PTH2R: variants seen among roughly 807,000 people sequenced by gnomAD.
PTH2R encodes the protein parathyroid hormone 2 receptor.
A neutral mutation model predicts 60.3 loss-of-function variants in PTH2R; 59 were observed. The observed-to-expected ratio is 0.98, with a 90% confidence interval of 0.79 to 1.22. The LOEUF is 1.22. PTH2R is among the 50% of genes most tolerant of loss of function. The pLI is 0.00. For synonymous variants in PTH2R, 256 were observed against 243.8 expected (o/e 1.05, Z -0.47); for missense variants, 749 against 682.6 (o/e 1.10, Z -1.08).
At position 208,442,409 on chromosome 2, in the gene PTH2R, T is replaced by A. The variant is rs1702203616; in HGVS notation, c.457T>A (p.Ser153Thr). 3.1e-6 allele frequency: 5 copies of A among 1,613,632 alleles called. No homozygotes were observed. Among genetic ancestry groups the A allele is most frequent in the Non-Finnish European group, 3.4e-6 (4 of 1,179,552 alleles). ...CTATGTAATGTATACCGTTGGCTAC[T>A]CCATCTCTTTTGGTTCCTTGGCTGT... ...RLYVMYTVGY[S>T]ISFGSLAVAI... Residue 153 changes from serine (S) to threonine (T), a missense_variant, in exon 5 of 13, where the codon TCC becomes ACC. Ser to Thr is a moderately conservative substitution (Grantham distance 58). Coordinates refer to ENST00000272847, the MANE Select transcript of PTH2R (RefSeq NM_005048.4).
At chr2:208,443,078 C>A (rs1406022380) in intron 5 of PTH2R, among the ~76,000 whole-genome samples, 1 of 152,182 alleles carries the variant, frequency 6.6e-6, no homozygotes, top group Non-Finnish European at 1.5e-5. Context: ...AGTATAACAT[C>A]TATTTACATA....
chr2:208,386,429 T>G (rs985485316), intron 1 of PTH2R, among the ~76,000 whole-genome samples: 2 of 152,206 alleles, frequency 1.3e-5, no homozygotes, highest in Admixed American at 1.3e-4. Context: ...AATACCTAAT[T>G]GAGTTATAAG....
intron 1 of PTH2R, among the ~76,000 whole-genome samples, chr2:208,367,175 C>CCTCTCTCA (rs1223705750): frequency 6.6e-6 from 1 of 151,932 alleles, no homozygotes; most frequent in Non-Finnish European, 1.5e-5. Flanking sequence ...CTCACTGCAG[C>CCTCTCTCA]CTCTGCCTCC....
chr2:208,368,947 C>T (rs183648896), intron 1 of PTH2R, among the ~76,000 whole-genome samples: 61 of 152,276 alleles, frequency 4.0e-4, no homozygotes, highest in Non-Finnish European at 6.8e-4. Context: ...ACAGATGGCA[C>T]TAAACAACCC....
rs550366521 is a variant in PTH2R at position 208,380,663 on chromosome 2, A to T, written c.-259+20426A>T. 2.6e-5 allele frequency among the ~76,000 whole-genome samples: 4 copies of T among 152,204 alleles called. No individual in the cohort carries two copies. In the South Asian group the frequency reaches 8.3e-4, roughly 32 times the overall value. On this transcript the variant is annotated intron_variant, in intron 1 of 12. Transcript: ENST00000617735. ...TTGGCCACATTTCTCTAGTGTATGGAACTCACCGGATAAAAGGCCTCAGAT... is the reference window on the plus strand; with the variant it reads ...TTGGCCACATTTCTCTAGTGTATGGTACTCACCGGATAAAAGGCCTCAGAT...
rs139037498 is a variant in PTH2R, at chr2:208,422,338, G to A, written c.76-5863G>A. On this transcript the variant is annotated intron_variant, in intron 1 of 12. Transcript: ENST00000272847. ...CACACCGGAAACAAATGTAATCTGG[G>A]CACCCATGGCCCATCGAAGTTGCTA... 1.4e-4 allele frequency among the ~76,000 whole-genome samples: 22 copies of A among 152,282 alleles called. 1 individual carries two copies. The highest frequency in any genetic ancestry group is 2.8e-4 in the Non-Finnish European group (19 of 68,018).
rs1029325797 is a variant in PTH2R, at chr2:208,369,109, A to G, written c.-259+8872A>G. On this transcript the variant is annotated intron_variant, in intron 1 of 12. Coordinates refer to the PTH2R transcript ENST00000617735. ...GTTGGCTTGACCAGCACCCATGACTATAGTTGGATGGATGGACCTTAACTT... is the reference window on the plus strand; with the variant it reads ...GTTGGCTTGACCAGCACCCATGACTGTAGTTGGATGGATGGACCTTAACTT... Among the ~76,000 whole-genome samples, 13 of 152,144 alleles carry G rather than the reference A, an allele frequency of 8.5e-5. 1 individual carries two copies. Among genetic ancestry groups the G allele is most frequent in the Non-Finnish European group, 1.5e-5 (1 of 68,046 alleles).
chr2:208,361,052 C>T (rs1452189977), intron 1 of PTH2R: 3 of 209,356 alleles, frequency 1.4e-5, no homozygotes, highest in African/African-American at 4.6e-5. Context: ...TAACAGATGG[C>T]GATGACACAC....
intron 1 of PTH2R, among the ~76,000 whole-genome samples, chr2:208,425,353 A>G (rs1701836088): frequency 3.3e-5 from 5 of 152,140 alleles, no homozygotes; most frequent in Admixed American, 3.3e-4. Flanking sequence ...CATAAGACAC[A>G]TCCTCCAGTG....
chr2:208,480,772 T>G (rs1703128830), intron 9 of PTH2R, among the ~76,000 whole-genome samples: 1 of 152,220 alleles, frequency 6.6e-6, no homozygotes, highest in Non-Finnish European at 1.5e-5. Flanking sequence ...TATTACCCTT[T>G]GTCCTGCCAC....
At chr2:208,451,044 T>A (rs1702397881) in intron 8 of PTH2R, among the ~76,000 whole-genome samples, 1 of 151,654 alleles carries the variant, frequency 6.6e-6, no homozygotes. Context: ...CCTCCATAGA[T>A]TAAGAAACAA....
intron 1 of PTH2R, among the ~76,000 whole-genome samples, chr2:208,370,028 C>T (rs748950119): frequency 6.6e-6 from 1 of 152,068 alleles, no homozygotes; most frequent in Non-Finnish European, 1.5e-5. Flanking sequence ...CTCTGTTGCA[C>T]TCCAAAATTG....
intron 4 of PTH2R, among the ~76,000 whole-genome samples, chr2:208,440,784 C>T (rs1359671744): frequency 1.3e-5 from 2 of 152,218 alleles, no homozygotes; most frequent in East Asian, 3.8e-4. Context: ...AAGCTATAAT[C>T]CACCAGGCAA....
chr2:208,458,453 A>G (rs1702559392), intron 8 of PTH2R, among the ~76,000 whole-genome samples: 1 of 152,162 alleles, frequency 6.6e-6, no homozygotes, highest in Non-Finnish European at 1.5e-5. Flanking sequence ...TTTTAAAAAA[A>G]TTTTTATTTT....
upstream of PTH2R, among the ~76,000 whole-genome samples, chr2:208,406,276 A>G (rs914040346): frequency 6.6e-6 from 1 of 152,194 alleles, no homozygotes. Flanking sequence ...GTCTTTTTTT[A>G]ATGCCAGGAT....
chr2:208,432,478 A>G (rs190710437), intron 2 of PTH2R, among the ~76,000 whole-genome samples: 1 of 152,346 alleles, frequency 6.6e-6, no homozygotes, highest in East Asian at 1.9e-4. Context: ...ATTAGATGTG[A>G]TGAGAGGAAA....
chr2:208,454,228 G>A (rs1369180859), intron 8 of PTH2R, among the ~76,000 whole-genome samples: 1 of 152,032 alleles, frequency 6.6e-6, no homozygotes, highest in African/African-American at 2.4e-5. Context: ...AAGTAGAAAA[G>A]CATTCAGGTA....
intron 1 of PTH2R, among the ~76,000 whole-genome samples, chr2:208,362,519 T>C (rs766991470): frequency 1.6e-4 from 25 of 152,220 alleles, no homozygotes; most frequent in Non-Finnish European, 2.6e-4. Flanking sequence ...TCTATATAGA[T>C]ATATCTATAT....
intron 8 of PTH2R, among the ~76,000 whole-genome samples, chr2:208,459,390 T>C (rs966049321): frequency 6.6e-6 from 1 of 152,220 alleles, no homozygotes; most frequent in Non-Finnish European, 1.5e-5. Context: ...AATTTTCATT[T>C]CTATGGACAG....
Sources: allele counts gnomAD v4.1 joint callset (sites outside exome capture counted in the v4.1 genomes callset), GRCh38; gene constraint gnomAD v4.1.1; transcripts MANE v1.5; gene names NCBI Gene and HGNC (gene_info 2026-07-23, HGNC 2026-07-21).